Variants in PDHX observed in about 807,000 individuals in gnomAD.
PDHX encodes the protein pyruvate dehydrogenase protein X component, mitochondrial.
A neutral mutation model predicts 55.3 loss-of-function variants in PDHX; 33 were observed. The ratio of observed to expected loss-of-function variants is 0.60; its 90% CI spans 0.45 to 0.80. The LOEUF is 0.80. Among genes scored for constraint, PDHX ranks in the 30% least tolerant of loss-of-function variants. The pLI is 0.00. For synonymous variants in PDHX, 226 were observed against 219.4 expected, an observed-to-expected ratio of 1.03 and a Z score of -0.27; for missense variants, 622 against 619.9, an observed-to-expected ratio of 1.00 and a Z score of -0.04.
At chr11:34,929,650 G>A (rs146973836) in intron 1 of PDHX, among the ~76,000 whole-genome samples, 496 of 152,314 alleles carry the variant, frequency 3.3e-3, no homozygotes, top group African/African-American at 0.011. Context: ...ATTAATTGAT[G>A]ATCCATATTT....
At chr11:34,966,260 T>G (rs1855128805) in intron 5 of PDHX, among the ~76,000 whole-genome samples, 1 of 152,182 alleles carries the variant, frequency 6.6e-6, no homozygotes, top group Non-Finnish European at 1.5e-5. Context: ...CTTGACACTT[T>G]TTGAATGCCA....
At chr11:34,972,255 A>G (rs988750152) in intron 7 of PDHX, among the ~76,000 whole-genome samples, 2 of 150,020 alleles carry the variant, frequency 1.3e-5, no homozygotes, top group Non-Finnish European at 3.0e-5. Context: ...CTTTGCTTTC[A>G]GTTTACTTTG....
At chr11:34,984,822 G>T (rs1855606505) in intron 9 of PDHX, 94 bp downstream of exon 9, 2 of 1,184,348 alleles carry the variant, frequency 1.7e-6, no homozygotes, top group Non-Finnish European at 2.5e-6. Context: ...TAGTCAGACT[G>T]TGATTTTTGT....
intron 8 of PDHX, 39 bp from the exon 9 acceptor site, chr11:34,984,531 G>A (rs1349868800): frequency 6.3e-7 from 1 of 1,595,344 alleles, no homozygotes; most frequent in Non-Finnish European, 8.6e-7. Context: ...TTGGTCTAAA[G>A]CTGCTTTTTT....
At chr11:34,957,703 C>T (rs1417103949) in intron 4 of PDHX, 120 bp downstream of exon 4, 3 of 773,292 alleles carry the variant, frequency 3.9e-6, no homozygotes, top group Admixed American at 4.3e-5. Flanking sequence ...TTGCTGTTCT[C>T]AGCACACTCA....
chr11:34,976,753 A>G (rs1855385631), intron 7 of PDHX, among the ~76,000 whole-genome samples: 2 of 152,162 alleles, frequency 1.3e-5, no homozygotes, highest in Admixed American at 1.3e-4. Context: ...ATGTGGGAGT[A>G]TGCTGAATAC....
At chr11:34,950,734 C>T (rs1199061097) in intron 3 of PDHX, among the ~76,000 whole-genome samples, 1 of 150,082 alleles carries the variant, frequency 6.7e-6, no homozygotes, top group African/African-American at 2.4e-5. Context: ...CATAGTATTC[C>T]ATGGTGTATA....
intron 5 of PDHX, among the ~76,000 whole-genome samples, chr11:34,964,941 C>CT (rs1408210987): frequency 2.6e-5 from 4 of 151,604 alleles, no homozygotes; most frequent in South Asian, 2.1e-4. Context: ...TGTCAGCAAC[C>CT]TTTTTTTTAA....
chr11:34,977,771 A>C (rs957425895), intron 7 of PDHX: 1 of 460,972 alleles, frequency 2.2e-6, no homozygotes, highest in Admixed American at 2.3e-5. Context: ...CTGACTGCAC[A>C]CACCACAGAG....
At chr11:34,989,050 C>A (rs979533501) in intron 9 of PDHX, among the ~76,000 whole-genome samples, 6 of 152,160 alleles carry the variant, frequency 3.9e-5, no homozygotes, top group African/African-American at 1.4e-4. Context: ...TGTGTGAACA[C>A]CATAGAGTGT....
chr11:34,981,903 C>T (rs975795479), intron 8 of PDHX, among the ~76,000 whole-genome samples: 2 of 151,994 alleles, frequency 1.3e-5, no homozygotes, highest in African/African-American at 4.8e-5. Context: ...GGATATTAGC[C>T]CTTTGTCAGA....
At chr11:34,989,494 A>G (rs1020984940) in intron 9 of PDHX, among the ~76,000 whole-genome samples, 8 of 152,224 alleles carry the variant, frequency 5.3e-5, no homozygotes, top group Admixed American at 1.3e-4. Context: ...TAGGCAGTGG[A>G]TAAGAGAACC....
intron 1 of PDHX, among the ~76,000 whole-genome samples, chr11:34,926,119 A>G (rs773583888): frequency 1.8e-4 from 27 of 152,210 alleles, no homozygotes; most frequent in Non-Finnish European, 3.5e-4. Context: ...TACCACACCA[A>G]AATAACTATT....
At chr11:34,986,370 G>A (rs1390984951) in intron 9 of PDHX, among the ~76,000 whole-genome samples, 1 of 151,384 alleles carries the variant, frequency 6.6e-6, no homozygotes, top group Non-Finnish European at 1.5e-5. Context: ...CAAAGTAATA[G>A]AGATTGGTTT....
At chr11:34,989,095 C>T (rs1459765592) in intron 9 of PDHX, among the ~76,000 whole-genome samples, 1 of 152,164 alleles carries the variant, frequency 6.6e-6, no homozygotes, top group Non-Finnish European at 1.5e-5. Context: ...GCCTGCTACA[C>T]GCCTAGGCTT....
intron 7 of PDHX, among the ~76,000 whole-genome samples, chr11:34,976,622 A>G (rs1383452090): frequency 1.3e-5 from 2 of 152,190 alleles, no homozygotes; most frequent in African/African-American, 4.8e-5. Flanking sequence ...GGAGATGCCA[A>G]CATTGAGAGG....
chr11:34,968,018 C>T (rs1330379363), intron 6 of PDHX, among the ~76,000 whole-genome samples: 1 of 152,018 alleles, frequency 6.6e-6, no homozygotes, highest in Non-Finnish European at 1.5e-5. Flanking sequence ...ACCTGTAATC[C>T]TAGCACTTTG....
chr11:34,916,683 G>T lies in PDHX; in HGVS notation c.28G>T (p.Asp10Tyr), dbSNP rs2133931933. The change falls in exon 1 of 11, where the codon GAT becomes TAT. Residue 10 changes from aspartate (D) to tyrosine (Y), a missense_variant. Asp to Tyr is a radical substitution (Grantham distance 160). Coordinates refer to ENST00000227868, the MANE Select transcript of PDHX (RefSeq NM_003477.3). ...GGCGGCCTCCTGGAGGCTGGGCTGT[G>T]ATCCGCGGCTGCTGCGTTATCTTGT... MAASWRLGC[D>Y]PRLLRYLVGF... is the part of the protein sequence containing the mutation. The T allele has an allele frequency of 2.5e-6, 4 of 1,611,774 alleles. No individual in the cohort carries two copies. Among genetic ancestry groups the T allele is most frequent in the Non-Finnish European group, 3.4e-6 (4 of 1,179,986 alleles).
rs733567 is a variant in PDHX, at chr11:34,977,937, G to T, written c.965-187G>T. 0.79 allele frequency: 478,201 copies of T among 606,160 alleles called. 189,557 individuals carry two copies. The highest frequency in any genetic ancestry group is 0.83 in the African/African-American group (45,134 of 54,072). The allele number at this position is 606,160 out of a possible 1,614,324, so 37.5% of individuals were successfully genotyped here. A position where few individuals can be genotyped will look rare whatever the true frequency, so the allele number is the denominator to read the frequency against. The stretch of plus-strand genomic sequence containing the variant: ...ACTTACATTCATGGTTAATATTATT[G>T]ATCCAGGACCTCATATAATGCAAGT... On this transcript the variant is annotated intron_variant, in intron 7 of 10. Transcript: ENST00000227868.
Sources: gnomAD v4.1 joint callset for allele counts (sites outside exome capture counted in the v4.1 genomes callset) on GRCh38, gnomAD v4.1.1 for gene constraint, MANE v1.5 for transcripts, NCBI Gene and HGNC (gene_info 2026-07-23, HGNC 2026-07-21) for gene names.